The following ITPKB variants were observed in gnomAD, a reference collection of about 807,000 sequenced individuals.
The protein encoded by ITPKB is inositol-trisphosphate 3-kinase B.
A neutral mutation model predicts 69.4 loss-of-function variants in ITPKB; 13 were observed. That is an observed-to-expected ratio of 0.19 (90% confidence interval 0.12 to 0.30). The LOEUF (loss-of-function observed/expected upper bound fraction) is 0.30, where lower values mean the gene tolerates loss of function less well. ITPKB is among the 10% of genes least tolerant of loss of function. ITPKB has a pLI of 1.00. For synonymous variants in ITPKB, 584 were observed against 513.7 expected (o/e 1.14, Z -1.85); for missense variants, 1,240 against 1,250.5 (o/e 0.99, Z 0.13).
chr1:226,636,943 T>C (rs1668852964), intron 7 of ITPKB, among the ~76,000 whole-genome samples: 1 of 152,078 alleles, frequency 6.6e-6, no homozygotes. Context: ...TTGATCTGCA[T>C]GTGTGTGAAT....
intron 5 of ITPKB, among the ~76,000 whole-genome samples, chr1:226,640,016 G>A (rs1037997900): frequency 3.3e-5 from 5 of 152,162 alleles, no homozygotes; most frequent in Admixed American, 6.5e-5. Context: ...GGTCGGCCTC[G>A]ACTTCCCACT....
intron 2 of ITPKB, among the ~76,000 whole-genome samples, chr1:226,679,011 C>T (rs1372545261): frequency 1.3e-5 from 2 of 152,210 alleles, no homozygotes; most frequent in Admixed American, 6.5e-5. Context: ...GAAGCACTGA[C>T]GCCAGCACTC....
intron 4 of ITPKB, among the ~76,000 whole-genome samples, chr1:226,644,542 C>T (rs1397730247): frequency 6.6e-6 from 1 of 152,214 alleles, no homozygotes; most frequent in Non-Finnish European, 1.5e-5. Context: ...GTTGACTCTC[C>T]AGGACAAGTC....
At position 226,736,091 on chromosome 1, in the gene ITPKB, G is replaced by T; in HGVS notation, c.1368C>A (p.Ser456Arg). The T allele has an allele frequency of 1.9e-6, 3 of 1,609,422 alleles. No individual in the cohort carries two copies. Among genetic ancestry groups the T allele is most frequent in the Non-Finnish European group, 2.5e-6 (3 of 1,177,508 alleles). ...TCCCGGTCCCCGGCTGTGCTGAGGGGCTGCCCCCAAGCAAGCCCAGCGTTG... is the reference window on the plus strand; with the variant it reads ...TCCCGGTCCCCGGCTGTGCTGAGGGTCTGCCCCCAAGCAAGCCCAGCGTTG... ...GSPTLGLLGG[S>R]PSAQPGTGNV... The change falls in exon 2 of 8, where the codon AGC becomes AGA. Residue 456 changes from serine (S) to arginine (R), a missense_variant. Around this residue, in one of 2 missense-constraint regions of ITPKB, gnomAD observed 992 missense variants for 853.8 expected, o/e 1.16. Coordinates refer to ENST00000429204, the MANE Select transcript of ITPKB (RefSeq NM_002221.4).
At chr1:226,674,348 G>A (rs1286954381) in intron 2 of ITPKB, among the ~76,000 whole-genome samples, 1 of 152,064 alleles carries the variant, frequency 6.6e-6, no homozygotes, top group African/African-American at 2.4e-5. Flanking sequence ...ACAGGCACCT[G>A]CCACCACACT....
chr1:226,694,389 T>C (rs1656428319), intron 2 of ITPKB, among the ~76,000 whole-genome samples: 1 of 152,234 alleles, frequency 6.6e-6, no homozygotes, highest in East Asian at 1.9e-4. Context: ...AAGGTTCTTT[T>C]CTGAGACTGA....
intron 2 of ITPKB, among the ~76,000 whole-genome samples, chr1:226,726,157 G>A (rs1657404580): frequency 6.6e-6 from 1 of 152,188 alleles, no homozygotes; most frequent in Non-Finnish European, 1.5e-5. Context: ...TTTACAGATT[G>A]AGGATACCCA....
intron 2 of ITPKB, among the ~76,000 whole-genome samples, chr1:226,723,176 G>A (rs1056433959): frequency 6.6e-6 from 1 of 152,076 alleles, no homozygotes; most frequent in African/African-American, 2.4e-5. Flanking sequence ...GCTCCGTCCA[G>A]TCACCTGACT....
intron 2 of ITPKB, among the ~76,000 whole-genome samples, chr1:226,710,223 A>G (rs1656909712): frequency 6.6e-6 from 1 of 152,190 alleles, no homozygotes; most frequent in African/African-American, 2.4e-5. Context: ...GGGGAAACAA[A>G]TGGAAGCACC....
At chr1:226,643,675 G>A (rs1353349427) in intron 4 of ITPKB, among the ~76,000 whole-genome samples, 3 of 152,230 alleles carry the variant, frequency 2.0e-5, no homozygotes, top group Non-Finnish European at 4.4e-5. Context: ...GAAAAGGGAA[G>A]AAAAAAACAA....
chr1:226,660,274 C>A (rs1025142079), intron 2 of ITPKB, among the ~76,000 whole-genome samples: 2 of 152,212 alleles, frequency 1.3e-5, no homozygotes, highest in African/African-American at 4.8e-5. Context: ...CCTGCAGGAG[C>A]CAGGGACACT....
rs1657905499 is a variant in ITPKB at position 226,738,886 on chromosome 1, G to T, written c.-206+155C>A. Among the ~76,000 whole-genome samples the T allele has an allele frequency of 6.6e-6, 1 of 152,140 alleles. No individual in the cohort carries two copies. Among genetic ancestry groups the T allele is most frequent in the African/African-American group, 2.4e-5 (1 of 41,444 alleles). ...TATTTTCTCCCCACCGCCACTCCAT[G>T]TCACCCTCCAAAATCAAACCCCCTT... On this transcript the variant is annotated intron_variant, in intron 1 of 7. Coordinates refer to ENST00000429204, the MANE Select transcript of ITPKB (RefSeq NM_002221.4). This position sits in a 1 kb window ranked among gnomAD's most constrained non-coding sequence, Gnocchi z 4.2.
chr1:226,735,216 T>C (rs972049298), intron 2 of ITPKB, among the ~76,000 whole-genome samples: 3 of 152,250 alleles, frequency 2.0e-5, no homozygotes, highest in Non-Finnish European at 4.4e-5. Context: ...AAGTTTTTGG[T>C]GACATTTATG....
chr1:226,647,217 C>T lies in ITPKB; in HGVS notation c.2196G>A (p.Leu732=). Residue 732 remains leucine (L), a synonymous_variant, in exon 4 of 8, where the codon CTG becomes CTA. Transcript: ENST00000429204. The part of the protein sequence containing the change: ...DGERYNQMDD[L]LADFDSPCVM... Reference sequence around the variant, plus strand: ...CACAGGGCGAGTCGAAGTCGGCCAGCAGGTCGTCCATCTGGTTGTAGCGCT... The same window carrying T: ...CACAGGGCGAGTCGAAGTCGGCCAGTAGGTCGTCCATCTGGTTGTAGCGCT... 6.2e-7 allele frequency: 1 copy of T among 1,614,240 alleles called. No individual in the cohort carries two copies. The highest frequency in any genetic ancestry group is 8.5e-7 in the Non-Finnish European group (1 of 1,180,040).
chr1:226,721,906 C>G (rs1657254829), intron 2 of ITPKB, among the ~76,000 whole-genome samples: 3 of 151,582 alleles, frequency 2.0e-5, no homozygotes, highest in Non-Finnish European at 2.9e-5. Flanking sequence ...TCCCGCCTCC[C>G]GGGTTCAAGC....
rs771951636 is a variant in ITPKB at position 226,736,371 on chromosome 1, G to C, written c.1088C>G (p.Pro363Arg). The change falls in exon 2 of 8, where the codon CCC becomes CGC. Residue 363 changes from proline to arginine, a missense_variant. Around this residue, in one of 2 missense-constraint regions of ITPKB, gnomAD observed 992 missense variants for 853.8 expected, o/e 1.16. Transcript: ENST00000429204. ...ETSPAPERGG[P>R]RDGEPPGKMG... ...CTTCCCAGGGGGTTCTCCATCGCGG[G>C]GCCCGCCCCTTTCTGGGGCTGGGCT... 1 of 1,612,364 alleles carries C rather than the reference G, an allele frequency of 6.2e-7. No homozygotes were observed. The highest frequency in any genetic ancestry group is 8.5e-7 in the Non-Finnish European group (1 of 1,179,886).
Position 226,736,547 on chromosome 1 carries a change from C to T in ITPKB, c.912G>A (p.Thr304=), listed in dbSNP as rs1411715539. 4 of 1,613,994 alleles carry T rather than the reference C, an allele frequency of 2.5e-6. No individual in the cohort carries two copies. Among genetic ancestry groups the T allele is most frequent in the Middle Eastern group, 1.6e-4 (1 of 6,062 alleles). The part of the protein sequence containing the change: ...GLFGASLTMA[T]EVAARVTSTG... ...TGGATGTAACTCTCGCTGCCACTTC[C>T]GTGGCCATCGTTAAGCTAGCTCCGA... The change falls in exon 2 of 8, where the codon ACG becomes ACA. Residue 304 remains threonine, a synonymous_variant. Transcript: ENST00000429204.
Position 226,738,102 on chromosome 1 carries a change from C to G in ITPKB, c.-205-439G>C, listed in dbSNP as rs1232559735. Reference sequence around the variant, plus strand: ...GGCTATCCAGGGCAACCCGGCAGCCCTCGCCCTGGGCTTCAGGGTCTCCCT... The same window carrying G: ...GGCTATCCAGGGCAACCCGGCAGCCGTCGCCCTGGGCTTCAGGGTCTCCCT... On this transcript the variant is annotated intron_variant, in intron 1 of 7. Coordinates refer to ENST00000429204, the MANE Select transcript of ITPKB (RefSeq NM_002221.4). The surrounding 1 kb of genome is among the most constrained non-coding windows in gnomAD (Gnocchi z 4.2). 6.6e-6 allele frequency among the ~76,000 whole-genome samples: 1 copy of G among 152,132 alleles called. No individual in the cohort carries two copies. Among genetic ancestry groups the G allele is most frequent in the East Asian group, 1.9e-4 (1 of 5,158 alleles).
At chr1:226,708,536 C>G (rs57646605) in intron 2 of ITPKB, among the ~76,000 whole-genome samples, 1 of 152,156 alleles carries the variant, frequency 6.6e-6, no homozygotes, top group Non-Finnish European at 1.5e-5. Context: ...AAAGATGTCT[C>G]GGCCTTAGAC....
Sources: allele counts gnomAD v4.1 joint callset (sites outside exome capture counted in the v4.1 genomes callset), GRCh38; gene constraint gnomAD v4.1.1; regional missense constraint gnomAD v4.1.1; non-coding constraint Gnocchi (gnomAD v3.1); transcripts MANE v1.5; gene names NCBI Gene and HGNC (gene_info 2026-07-23, HGNC 2026-07-21).